The following GLRA2 variants were observed in gnomAD, a reference collection of about 807,000 sequenced individuals.
GLRA2 encodes the protein glycine receptor alpha 2.
Under a neutral mutation model 31.6 loss-of-function variants are expected in GLRA2, and 11 were observed. The observed-to-expected ratio is 0.35, with a 90% CI of 0.22 to 0.58. GLRA2 has a LOEUF of 0.58. Among genes scored for constraint, GLRA2 ranks in the 20% least tolerant of loss-of-function variants. The probability of loss-of-function intolerance (pLI) is 0.84; values close to 1 mark genes in which losing one functional copy is unlikely to be tolerated. For missense variants in GLRA2, 212 were observed against 351.8 expected, an observed-to-expected ratio of 0.60 and a Z score of 3.18; for synonymous variants, 132 against 134.0, an observed-to-expected ratio of 0.99 and a Z score of 0.10.
intron 2 of GLRA2, among the ~76,000 whole-genome samples, chrX:14,565,978 G>T (rs2089800089): frequency 1.8e-5 from 2 of 111,288 alleles, no homozygotes. Flanking sequence ...AAGATTAGAG[G>T]GGAGGAAGAC....
At chrX:14,675,591 A>G (rs2091137171) in intron 7 of GLRA2, among the ~76,000 whole-genome samples, 1 of 111,344 alleles carries the variant, frequency 9.0e-6, no homozygotes, top group African/African-American at 3.3e-5. Flanking sequence ...GAACTCAACA[A>G]TATTAGATAT....
chrX:14,631,421 G>C (rs1486850824), intron 7 of GLRA2, among the ~76,000 whole-genome samples: 1 of 111,166 alleles, frequency 9.0e-6, no homozygotes, highest in Non-Finnish European at 1.9e-5. Context: ...AATCATGTGT[G>C]TTAATTTCTT....
chrX:14,726,415 G>T (rs982730409), intron 8 of GLRA2, among the ~76,000 whole-genome samples: 6 of 112,017 alleles, frequency 5.4e-5, no homozygotes, highest in Non-Finnish European at 7.5e-5. Context: ...CATACCTCCT[G>T]CACATAAAAC....
At chrX:14,601,457 G>A (rs1001083332) in intron 4 of GLRA2, among the ~76,000 whole-genome samples, 7 of 111,695 alleles carry the variant, frequency 6.3e-5, no homozygotes, top group African/African-American at 2.3e-4. Flanking sequence ...ATTACACAAA[G>A]ATGGGAAAGC....
chrX:14,543,434 T>C (rs2089436023), intron 2 of GLRA2, among the ~76,000 whole-genome samples: 1 of 110,912 alleles, frequency 9.0e-6, no homozygotes, highest in African/African-American at 3.3e-5. Flanking sequence ...AATTATTAAT[T>C]CTGTCCAGCA....
At chrX:14,675,444 C>G (rs369020159) in intron 7 of GLRA2, among the ~76,000 whole-genome samples, 1 of 112,021 alleles carries the variant, frequency 8.9e-6, no homozygotes, top group Non-Finnish European at 1.9e-5. Context: ...CAATGCCCAA[C>G]AAACTAATTG....
intron 4 of GLRA2, among the ~76,000 whole-genome samples, chrX:14,595,712 G>A (rs183014862): frequency 9.9e-5 from 11 of 111,351 alleles, no homozygotes; most frequent in African/African-American, 2.3e-4. Context: ...TGCTCTACCC[G>A]ATCACTGTGA....
At chrX:14,506,366 A>G in the GLRA2 span, among the ~76,000 whole-genome samples, 1 of 110,718 alleles carries the variant, frequency 9.0e-6, no homozygotes, top group Admixed American at 9.6e-5. Context: ...TTTGCCTTGC[A>G]TCCTCGCTTT....
chrX:14,682,551 CT>C lies in GLRA2; in HGVS notation c.931-8148del, dbSNP rs762722354. Among the ~76,000 whole-genome samples the C allele has an allele frequency of 4.0e-3, 416 of 105,190 alleles. 1 individual carries two copies. The highest frequency in any genetic ancestry group is 0.011 in the African/African-American group (315 of 29,023). The allele number at this position is 105,190 out of a possible 115,157, so 91.3% of individuals were successfully genotyped here. On this transcript the variant is annotated intron_variant, in intron 7 of 8. Transcript: ENST00000218075. ...TCTGTGTTTGAAACTATTTTAAAAT[CT>C]TTTTTTTTTTAATTATACTTTAAGT...
intron 7 of GLRA2, among the ~76,000 whole-genome samples, chrX:14,658,814 T>C (rs932983683): frequency 1.8e-5 from 2 of 112,297 alleles, no homozygotes; most frequent in Non-Finnish European, 3.8e-5. Context: ...TTCATATGTT[T>C]ATATTTTCCC....
At chrX:14,606,758 C>T (rs1300090734) in intron 5 of GLRA2, among the ~76,000 whole-genome samples, 3 of 111,883 alleles carry the variant, frequency 2.7e-5, no homozygotes, top group Non-Finnish European at 3.8e-5. Context: ...ATTGGATTGT[C>T]TTATTGGATT....
chrX:14,501,359 C>T, the GLRA2 span, among the ~76,000 whole-genome samples: 1 of 112,217 alleles, frequency 8.9e-6, no homozygotes, highest in East Asian at 2.8e-4. Context: ...CATGATCCAT[C>T]TCCTATTGTC....
chrX:14,619,984 C>T (rs1601771698), intron 7 of GLRA2, among the ~76,000 whole-genome samples: 1 of 100,404 alleles, frequency 1.0e-5, no homozygotes, highest in East Asian at 3.0e-4. Context: ...AGGGAACCTA[C>T]CTAGCCAGGC....
intron 4 of GLRA2, among the ~76,000 whole-genome samples, chrX:14,601,716 C>T (rs1017132192): frequency 2.7e-5 from 3 of 111,447 alleles, no homozygotes; most frequent in African/African-American, 6.5e-5. Flanking sequence ...GACTTCAAAT[C>T]GCAACCCTTT....
intron 7 of GLRA2, among the ~76,000 whole-genome samples, chrX:14,644,468 A>G (rs1394408135): frequency 8.9e-6 from 1 of 111,993 alleles, no homozygotes; most frequent in Non-Finnish European, 1.9e-5. Context: ...CTTTCTAAAT[A>G]TTATAATAGA....
At chrX:14,697,152 C>A (rs756364842) in intron 8 of GLRA2, among the ~76,000 whole-genome samples, 27 of 111,172 alleles carry the variant, frequency 2.4e-4, no homozygotes, top group South Asian at 1.9e-3. Context: ...GCCAGGTACT[C>A]TTCTAGATAC....
At chrX:14,552,800 C>G (rs1041973103) in intron 2 of GLRA2, among the ~76,000 whole-genome samples, 2 of 111,953 alleles carry the variant, frequency 1.8e-5, no homozygotes, top group Admixed American at 9.4e-5. Flanking sequence ...TAGTACTGCT[C>G]TATTGTGTCT....
Position 14,731,698 on chromosome X carries a change from TACTCAGATA to T in GLRA2, c.*1215_*1223del, listed in dbSNP as rs1747799493. 8.9e-6 allele frequency: 1 copy of T among 112,019 alleles called. No homozygotes were observed. The highest frequency in any genetic ancestry group is 1.9e-5 in the Non-Finnish European group (1 of 53,227). The allele number at this position is 112,019 out of a possible 1,213,427, so 9.2% of individuals were successfully genotyped here. Reference sequence around the variant, plus strand: ...AGAAAAAAAAAGACGTATTTTTGCTTACTCAGATAAAAGACAACCTGTAAAAATATAATA... The same window carrying T: ...AGAAAAAAAAAGACGTATTTTTGCTTAAAGACAACCTGTAAAAATATAATA... On this transcript the variant is annotated 3_prime_UTR_variant, in exon 9 of 9. Transcript: ENST00000218075.
chrX:14,622,212 G>A (rs1472534936), intron 7 of GLRA2, among the ~76,000 whole-genome samples: 2 of 111,580 alleles, frequency 1.8e-5, no homozygotes, highest in Non-Finnish European at 3.8e-5. Context: ...GGGGTTGTTT[G>A]ATTTTTTTCT....
Sources: allele counts gnomAD v4.1 joint callset (sites outside exome capture counted in the v4.1 genomes callset), GRCh38; gene constraint gnomAD v4.1.1; transcripts MANE v1.5; gene names NCBI Gene and HGNC (gene_info 2026-07-23, HGNC 2026-07-21).